The following PTTG1IP variants were observed in gnomAD, a reference collection of about 807,000 sequenced individuals.
PTTG1IP encodes the protein PTTG1 interacting protein, also known as pituitary tumor-transforming gene 1 protein-interacting protein.
Under a neutral mutation model 24.4 loss-of-function variants are expected in PTTG1IP, and 16 were observed. That is an observed-to-expected ratio of 0.66 (90% CI 0.44 to 1.00). PTTG1IP has a LOEUF of 1.00. Ranked by LOEUF, PTTG1IP falls within the 50% of genes least tolerant of loss-of-function variation. The probability of loss-of-function intolerance (pLI) is 0.00; values close to 1 mark genes in which losing one functional copy is unlikely to be tolerated. For synonymous variants in PTTG1IP, 89 were observed against 96.8 expected (o/e 0.92, Z 0.47); for missense variants, 241 against 245.8 (o/e 0.98, Z 0.13).
chr21:44,872,661 A>G (rs2083597389), intron 1 of PTTG1IP, among the ~76,000 whole-genome samples: 1 of 152,106 alleles, frequency 6.6e-6, no homozygotes, highest in Admixed American at 6.6e-5. Context: ...GCCACCCTCT[A>G]TAAACACTGC....
chr21:44,851,696 C>G, intron 5 of PTTG1IP, 69 bp from the exon 6 acceptor site: 1 of 1,498,384 alleles, frequency 6.7e-7, no homozygotes, highest in African/African-American at 1.4e-5. Flanking sequence ...GAAAGCCATA[C>G]AAACCAAGCT....
intron 3 of PTTG1IP, among the ~76,000 whole-genome samples, chr21:44,856,607 T>G (rs1961756445): frequency 6.6e-6 from 1 of 152,232 alleles, no homozygotes. Context: ...TAGAATTTAT[T>G]AACAATTTAT....
chr21:44,860,459 C>A (rs1208439723), intron 3 of PTTG1IP, among the ~76,000 whole-genome samples: 1 of 84,854 alleles, frequency 1.2e-5, no homozygotes, highest in East Asian at 4.1e-4. Context: ...CAAAGATACG[C>A]ACACAAAAAA....
chr21:44,861,508 A>C (rs955607007), intron 2 of PTTG1IP, among the ~76,000 whole-genome samples: 5 of 152,058 alleles, frequency 3.3e-5, no homozygotes, highest in Admixed American at 3.3e-4. Flanking sequence ...CGCGTCACTC[A>C]GGCCTCTTCC....
At chr21:44,859,107 C>G (rs2083470822) in intron 3 of PTTG1IP, among the ~76,000 whole-genome samples, 1 of 152,238 alleles carries the variant, frequency 6.6e-6, no homozygotes, top group Non-Finnish European at 1.5e-5. Flanking sequence ...GGCAGCATGG[C>G]TGAACAGCTG....
At position 44,856,220 on chromosome 21, in the gene PTTG1IP, T is replaced by G; in HGVS notation, c.422A>C (p.Glu141Ala). The change falls in exon 4 of 6, where the codon GAG becomes GCG. Residue 141 changes from glutamate to alanine, a missense_variant. By Grantham distance (107) the Glu-to-Ala change is moderately radical. Transcript: ENST00000330938. Reference protein sequence around the residue: ...RSEEKAMREREERRIRQEERR... With the variant: ...RSEEKAMRERAERRIRQEERR... Reference sequence around the variant, plus strand: ...TTCCTCCTGCCGTATCCGCCTCTCCTCCCGCTCACGCATGGCCTTCTCCTC... The same window carrying G: ...TTCCTCCTGCCGTATCCGCCTCTCCGCCCGCTCACGCATGGCCTTCTCCTC... 2 of 1,614,062 alleles carry G rather than the reference T, an allele frequency of 1.2e-6. No homozygotes were observed. Among genetic ancestry groups the G allele is most frequent in the Non-Finnish European group, 1.7e-6 (2 of 1,179,982 alleles).
At chr21:44,856,121 G>A (rs2083447721) in intron 4 of PTTG1IP, 72 bp downstream of exon 4, 15 of 1,612,652 alleles carry the variant, frequency 9.3e-6, no homozygotes, top group Non-Finnish European at 1.2e-5. Context: ...ATGTATCCAT[G>A]TGATTTCCAT....
At chr21:44,858,803 G>C (rs1437555436) in intron 3 of PTTG1IP, among the ~76,000 whole-genome samples, 1 of 152,222 alleles carries the variant, frequency 6.6e-6, no homozygotes, top group Non-Finnish European at 1.5e-5. Context: ...CTGCAGAAAT[G>C]CAGGTGAGAA....
intron 2 of PTTG1IP, among the ~76,000 whole-genome samples, chr21:44,863,769 A>G (rs1286576203): frequency 1.3e-5 from 2 of 152,244 alleles, no homozygotes; most frequent in East Asian, 1.9e-4. Context: ...AACATCACCA[A>G]TGTCAAGATC....
chr21:44,870,278 C>A (rs962053635), intron 1 of PTTG1IP, among the ~76,000 whole-genome samples: 1 of 152,142 alleles, frequency 6.6e-6, no homozygotes, highest in Non-Finnish European at 1.5e-5. Flanking sequence ...CAGTGGCTCA[C>A]GCCTGTAATC....
intron 1 of PTTG1IP, chr21:44,873,127 G>C (rs2083603810): frequency 1.9e-5 from 3 of 154,158 alleles, no homozygotes; most frequent in Admixed American, 1.3e-4. Context: ...CGGCTTCCCG[G>C]CTCGGGATCG....
chr21:44,860,055 C>T (rs957307672), intron 3 of PTTG1IP, among the ~76,000 whole-genome samples: 4 of 152,140 alleles, frequency 2.6e-5, no homozygotes, highest in African/African-American at 9.7e-5. Context: ...TTACAAAACA[C>T]ACCACAAACT....
At chr21:44,858,953 T>C (rs558212631) in intron 3 of PTTG1IP, among the ~76,000 whole-genome samples, 22 of 152,168 alleles carry the variant, frequency 1.4e-4, no homozygotes, top group African/African-American at 4.8e-4. Context: ...CCAAAAACAT[T>C]TGGCAGACGT....
chr21:44,865,519 G>C (rs1028221521), intron 1 of PTTG1IP, 72 bp from the exon 2 acceptor site: 94 of 1,516,480 alleles, frequency 6.2e-5, no homozygotes, highest in Non-Finnish European at 8.0e-5. Context: ...CAGCAGGGCA[G>C]GGTGGGCACC....
At chr21:44,863,459 G>A (rs536930311) in intron 2 of PTTG1IP, among the ~76,000 whole-genome samples, 6 of 152,286 alleles carry the variant, frequency 3.9e-5, no homozygotes, top group Admixed American at 2.6e-4. Flanking sequence ...CCTCTTCACC[G>A]CCCTGTCTGG....
rs536382198 is a variant in PTTG1IP at position 44,855,870 on chromosome 21, T to G, written c.449+323A>C. ...ACGCTGTCCCCTCTGAGCCTCAGCTTGCTCTTGGCAAATGCTGGGCCTGGA... is the reference window on the plus strand; with the variant it reads ...ACGCTGTCCCCTCTGAGCCTCAGCTGGCTCTTGGCAAATGCTGGGCCTGGA... On this transcript the variant is annotated intron_variant, in intron 4 of 5. Transcript: ENST00000330938. Among the ~76,000 whole-genome samples, 4 of 152,288 alleles carry G rather than the reference T, an allele frequency of 2.6e-5. No homozygotes were observed. The East Asian group carries it at 5.8e-4, about 22-fold the overall frequency.
intron 2 of PTTG1IP, 63 bp from the exon 3 acceptor site, chr21:44,861,334 C>A: frequency 1.4e-6 from 2 of 1,417,886 alleles, no homozygotes; most frequent in Non-Finnish European, 2.0e-6. Flanking sequence ...ACTGTCCAGG[C>A]TCTGCCCACA....
Position 44,873,547 on chromosome 21 carries a change from G to A in PTTG1IP, c.70C>T (p.Leu24=). Residue 24 remains leucine, a synonymous_variant, in exon 1 of 6, where the codon CTG becomes TTG. Coordinates refer to ENST00000330938, the MANE Select transcript of PTTG1IP (RefSeq NM_004339.4). ...RLRLGGAALL[L]LLIPVAAAQE... is the part of the protein sequence containing the mutation. ...GCGGCGGCCACCGGGATGAGCAGCA[G>A]GAGCAGCGCGGCGCCACCGAGGCGC... 6.8e-7 allele frequency: 1 copy of A among 1,472,814 alleles called. No individual in the cohort carries two copies. The highest frequency in any genetic ancestry group is 8.9e-7 in the Non-Finnish European group (1 of 1,118,264). The allele number at this position is 1,472,814 out of a possible 1,614,324, so 91.2% of individuals were successfully genotyped here.
At chr21:44,864,746 C>G (rs1159289683) in intron 2 of PTTG1IP, among the ~76,000 whole-genome samples, 2 of 152,368 alleles carry the variant, frequency 1.3e-5, no homozygotes, top group Non-Finnish European at 2.9e-5. Flanking sequence ...GCTTCCCCAC[C>G]ACGGGTGCTC....
Sources: allele counts gnomAD v4.1 joint callset (sites outside exome capture counted in the v4.1 genomes callset), GRCh38; gene constraint gnomAD v4.1.1; transcripts MANE v1.5; gene names NCBI Gene and HGNC (gene_info 2026-07-23, HGNC 2026-07-21).